The following CFAP36 variants were observed in gnomAD, a reference collection of about 807,000 sequenced individuals.
CFAP36 encodes cilia and flagella associated protein 36, also known as cilia- and flagella-associated protein 36.
Under a neutral mutation model 50.5 loss-of-function variants are expected in CFAP36, and 37 were observed. The observed-to-expected ratio is 0.73, with a 90% CI of 0.56 to 0.96. CFAP36 has a LOEUF of 0.96. CFAP36 is among the 50% of genes least tolerant of loss of function. The pLI is 0.00. For missense variants in CFAP36, 407 were observed against 396.2 expected, an observed-to-expected ratio of 1.03 and a Z score of -0.23; for synonymous variants, 138 against 128.2, an observed-to-expected ratio of 1.08 and a Z score of -0.52.
chr2:55,541,822 ATT>A (rs1186185465), intron 7 of CFAP36, among the ~76,000 whole-genome samples: 13 of 132,030 alleles, frequency 9.8e-5, no homozygotes, highest in African/African-American at 3.5e-4. Flanking sequence ...ACCATTAAGT[ATT>A]GTGTTAAGTT....
At chr2:55,521,061 T>C (rs1369236925) in intron 1 of CFAP36, among the ~76,000 whole-genome samples, 1 of 152,232 alleles carries the variant, frequency 6.6e-6, no homozygotes, top group African/African-American at 2.4e-5. Flanking sequence ...CTGGTAAAGA[T>C]GAAATTCAGT....
At chr2:55,520,011 C>T in intron 1 of CFAP36, 95 bp downstream of exon 1, 4 of 1,113,632 alleles carry the variant, frequency 3.6e-6, no homozygotes, top group Non-Finnish European at 5.3e-6. Context: ...CTCGTCTCCC[C>T]GACCCCCTGT....
At chr2:55,536,413 G>T (rs1684489649) in intron 6 of CFAP36, among the ~76,000 whole-genome samples, 1 of 151,822 alleles carries the variant, frequency 6.6e-6, no homozygotes, top group African/African-American at 2.4e-5. Flanking sequence ...TTACAGGTGT[G>T]AGCCACCATG....
intron 4 of CFAP36, among the ~76,000 whole-genome samples, chr2:55,529,653 T>TC (rs938256260): frequency 1.3e-5 from 2 of 150,230 alleles, no homozygotes; most frequent in African/African-American, 4.9e-5. Flanking sequence ...GGTTCTTTTT[T>TC]TTTTTTTTTT....
intron 7 of CFAP36, chr2:55,539,635 C>A (rs946010908): frequency 6.6e-6 from 1 of 152,196 alleles, no homozygotes; most frequent in Non-Finnish European, 1.5e-5. Context: ...TGGGTAAATA[C>A]CAATGAGCAT....
intron 3 of CFAP36, among the ~76,000 whole-genome samples, chr2:55,528,483 C>A (rs1305022731): frequency 6.6e-6 from 1 of 151,912 alleles, no homozygotes; most frequent in African/African-American, 2.4e-5. Context: ...CAACCTCTGT[C>A]TCCTGGTTCA....
In CFAP36 at chr2:55,528,948, T is replaced by C. The variant is rs559656912; in HGVS notation, c.353T>C (p.Ile118Thr). 1.2e-5 allele frequency: 20 copies of C among 1,612,036 alleles called. No individual in the cohort carries two copies. The highest frequency in any genetic ancestry group is 1.7e-4 in the Middle Eastern group (1 of 6,056). ...IFKAMMVQKN[I>T]EMQLQAIRII... ...AAAGCAATGATGGTCCAGAAAAACA[T>C]TGAAATGCAGCTGCAAGCCATTCGA... is the stretch of plus-strand genomic sequence containing the variant. Residue 118 changes from isoleucine to threonine, a missense_variant, in exon 4 of 10, where the codon ATT (isoleucine) becomes ACT (threonine). By Grantham distance (89) the Ile-to-Thr change is moderately conservative. Coordinates refer to ENST00000349456, the MANE Select transcript of CFAP36 (RefSeq NM_080667.7).
intron 7 of CFAP36, among the ~76,000 whole-genome samples, chr2:55,542,033 G>T (rs1212013763): frequency 6.6e-6 from 1 of 152,066 alleles, no homozygotes; most frequent in Non-Finnish European, 1.5e-5. Context: ...ATATGCTACA[G>T]ATTGTAAGGA....
rs536866465 is a variant in CFAP36, at chr2:55,535,541, G to A, written c.486-171G>A. ...TGTATTATGCTGTATGCCTATGTAT[G>A]TCTTTCCCAGTTGACTGTAAGCCAC... On this transcript the variant is annotated intron_variant, in intron 5 of 9. Coordinates refer to ENST00000349456, the MANE Select transcript of CFAP36 (RefSeq NM_080667.7). Among the ~76,000 whole-genome samples the A allele has an allele frequency of 1.3e-3, 193 of 152,280 alleles. 5 individuals carry two copies. In the South Asian group the frequency reaches 0.039, roughly 31 times the overall value.
At chr2:55,533,849 C>T (rs1684413520) in intron 4 of CFAP36, 24 bp from the exon 5 acceptor site, 1 of 1,462,990 alleles carries the variant, frequency 6.8e-7, no homozygotes, top group East Asian at 2.3e-5. Flanking sequence ...GATACTATTT[C>T]ATGTGGTCTT....
chr2:55,526,353 T>TG (rs1684206898), intron 3 of CFAP36, among the ~76,000 whole-genome samples: 1 of 152,198 alleles, frequency 6.6e-6, no homozygotes, highest in African/African-American at 2.4e-5. Flanking sequence ...GAGGTTGCCT[T>TG]GACTACTTTT....
At chr2:55,539,106 C>T (rs1684569166) in intron 7 of CFAP36, 1 of 272,856 alleles carries the variant, frequency 3.7e-6, no homozygotes, top group African/African-American at 2.2e-5. Context: ...GTGAACCTTC[C>T]TTGACACAAC....
rs1684716437 is a variant in CFAP36 at position 55,544,275 on chromosome 2, A to G, written c.833A>G (p.Gln278Arg). The G allele has an allele frequency of 6.2e-7, 1 of 1,613,986 alleles. No homozygotes were observed. The highest frequency in any genetic ancestry group is 8.5e-7 in the Non-Finnish European group (1 of 1,179,912). Residue 278 changes from glutamine to arginine, a missense_variant, in exon 9 of 10, where the codon CAG (glutamine) becomes CGG (arginine). Physicochemically the swap from Gln to Arg is conservative, Grantham distance 43. Transcript: ENST00000349456. ...ELRQREHYLKQKRDKLMSMRK... is the reference protein window; with the variant it reads ...ELRQREHYLKRKRDKLMSMRK... ...CGGCAACGAGAACACTATCTCAAGCAGAAGAGAGATAAGTTGATGTCCATG... is the reference window on the plus strand; with the variant it reads ...CGGCAACGAGAACACTATCTCAAGCGGAAGAGAGATAAGTTGATGTCCATG...
At chr2:55,523,937 A>T (rs1231070845) in intron 3 of CFAP36, 115 bp downstream of exon 3, 1 of 613,848 alleles carries the variant, frequency 1.6e-6, no homozygotes, top group Non-Finnish European at 2.7e-6. Flanking sequence ...ACATTGTGAG[A>T]GGTAGAAAGA....
intron 4 of CFAP36, among the ~76,000 whole-genome samples, chr2:55,531,576 A>G (rs538476784): frequency 6.6e-6 from 1 of 152,176 alleles, no homozygotes; most frequent in Non-Finnish European, 1.5e-5. Context: ...GCATCTTTAT[A>G]CTCTGCCATT....
chr2:55,527,030 AAATAAT>A (rs924461819), intron 3 of CFAP36, among the ~76,000 whole-genome samples: 1 of 152,052 alleles, frequency 6.6e-6, no homozygotes, highest in Admixed American at 6.6e-5. Flanking sequence ...CCTGTCTCTA[AAATAAT>A]AATAATAATA....
intron 4 of CFAP36, among the ~76,000 whole-genome samples, chr2:55,530,008 G>A (rs949626729): frequency 6.6e-6 from 1 of 152,146 alleles, no homozygotes; most frequent in Non-Finnish European, 1.5e-5. Context: ...TGATTTAATA[G>A]GTCTGGGGTA....
intron 7 of CFAP36, among the ~76,000 whole-genome samples, 182 bp from the exon 8 acceptor site, chr2:55,543,756 G>A (rs1168653710): frequency 6.6e-6 from 1 of 152,148 alleles, no homozygotes; most frequent in East Asian, 1.9e-4. Context: ...TAAGGATAGA[G>A]ACATGATGTT....
intron 1 of CFAP36, among the ~76,000 whole-genome samples, chr2:55,521,200 CCTT>C (rs1047895961): frequency 1.4e-5 from 2 of 143,636 alleles, no homozygotes; most frequent in African/African-American, 5.1e-5. Flanking sequence ...TATTTGTACT[CCTT>C]TTTTTTTTTT....
Sources: allele counts gnomAD v4.1 joint callset (sites outside exome capture counted in the v4.1 genomes callset), GRCh38; gene constraint gnomAD v4.1.1; transcripts MANE v1.5; gene names NCBI Gene and HGNC (gene_info 2026-07-23, HGNC 2026-07-21).